MYO18B: variants seen among roughly 807,000 people sequenced by gnomAD.
MYO18B encodes the protein unconventional myosin-XVIIIb.
MYO18B carries 204 observed loss-of-function variants against 273.0 expected under a neutral mutation model. The observed-to-expected ratio is 0.75, with a 90% CI of 0.67 to 0.84. MYO18B has a LOEUF of 0.84. Among genes scored for constraint, MYO18B ranks in the 40% least tolerant of loss-of-function variants. MYO18B has a pLI of 0.00. For synonymous variants in MYO18B, 1,330 were observed against 1,305.7 expected (o/e 1.02, Z -0.40); for missense variants, 3,212 against 3,287.6 (o/e 0.98, Z 0.56).
intron 1 of MYO18B, among the ~76,000 whole-genome samples, chr22:25,758,751 G>T (rs1325982534): frequency 6.6e-6 from 1 of 151,684 alleles, no homozygotes; most frequent in Non-Finnish European, 1.5e-5. Flanking sequence ...TTTTTTGGGG[G>T]TGATGAGAAT....
At chr22:26,026,350 A>G (rs1936238997) in intron 42 of MYO18B, 95 bp from the exon 43 acceptor site, 1 of 1,384,054 alleles carries the variant, frequency 7.2e-7, no homozygotes, top group Admixed American at 2.3e-5. Context: ...AAAGAAAAAT[A>G]ATATTAGTGC....
At chr22:25,793,545 C>T (rs2087770780) in intron 11 of MYO18B, among the ~76,000 whole-genome samples, 1 of 151,892 alleles carries the variant, frequency 6.6e-6, no homozygotes. Context: ...GGCCTTATTT[C>T]TTCTTTGAAG....
At chr22:25,821,025 A>T (rs1003103400) in intron 12 of MYO18B, among the ~76,000 whole-genome samples, 1 of 152,152 alleles carries the variant, frequency 6.6e-6, no homozygotes, top group Non-Finnish European at 1.5e-5. Flanking sequence ...TTTATGTCTG[A>T]ATAGTATTCC....
rs542026841 is a variant in MYO18B at position 25,992,430 on chromosome 22, G to A, written c.6224G>A (p.Arg2075Gln). 6.2e-6 allele frequency: 10 copies of A among 1,613,986 alleles called. No individual in the cohort carries two copies. The highest frequency in any genetic ancestry group is 5.0e-5 in the Admixed American group (3 of 60,022). ...CAGACAGACCTGGAGACATCCATTC[G>A]GCGGATTGCCGACCTGCAGGCTGCC... ...TLQTDLETSI[R>Q]RIADLQAALE... Residue 2075 changes from arginine to glutamine, a missense_variant, in exon 40 of 44, where the codon CGG (arginine) becomes CAG (glutamine). Transcript: ENST00000335473.
At chr22:25,997,712 T>C (rs1933442831) in intron 40 of MYO18B, among the ~76,000 whole-genome samples, 1 of 152,190 alleles carries the variant, frequency 6.6e-6, no homozygotes, top group Admixed American at 6.5e-5. Context: ...GTATTTGTGT[T>C]GCTAGGCTGT....
intron 25 of MYO18B, among the ~76,000 whole-genome samples, chr22:25,881,689 G>A (rs1243977159): frequency 6.6e-6 from 1 of 152,176 alleles, no homozygotes; most frequent in Non-Finnish European, 1.5e-5. Flanking sequence ...AGAAGGAAGG[G>A]TGGGGGCTCA....
At chr22:25,785,641 T>C (rs1321718615) in intron 11 of MYO18B, 150 bp downstream of exon 11, 2 of 746,580 alleles carry the variant, frequency 2.7e-6, no homozygotes, top group Non-Finnish European at 4.6e-6. Context: ...ACTGCCTTTG[T>C]AGGGTCTCGG....
At chr22:26,008,370 A>G (rs1025710625) in intron 42 of MYO18B, among the ~76,000 whole-genome samples, 46 of 152,364 alleles carry the variant, frequency 3.0e-4, no homozygotes, top group African/African-American at 1.1e-3. Flanking sequence ...AGTAGAGAAC[A>G]GGACTCCTAT....
At chr22:25,745,847 T>C (rs1332387213) in intron 1 of MYO18B, among the ~76,000 whole-genome samples, 1 of 152,164 alleles carries the variant, frequency 6.6e-6, no homozygotes, top group Non-Finnish European at 1.5e-5. Flanking sequence ...TGAGTTTCAA[T>C]TTCATGGAGG....
At chr22:25,794,160 C>A (rs1035290056) in intron 11 of MYO18B, among the ~76,000 whole-genome samples, 9 of 151,946 alleles carry the variant, frequency 5.9e-5, no homozygotes, top group Non-Finnish European at 1.3e-4. Context: ...TCTCGATCTC[C>A]TGACCTCGTG....
intron 20 of MYO18B, among the ~76,000 whole-genome samples, chr22:25,849,954 G>A (rs1038682792): frequency 6.6e-6 from 1 of 152,164 alleles, no homozygotes; most frequent in Non-Finnish European, 1.5e-5. Flanking sequence ...TGAAGAAATT[G>A]AATCTCAGAA....
At position 26,030,803 on chromosome 22, in the gene MYO18B, TC is replaced by T. The variant is rs1936632850; in HGVS notation, c.*375del. On this transcript the variant is annotated 3_prime_UTR_variant, in exon 44 of 44. Transcript: ENST00000335473. The stretch of plus-strand genomic sequence containing the variant: ...ACATGTCTACATGCCATGACCTTCC[TC>T]CTCCTCTTCACTTGGCCAGTTTCAG... 1 of 396,852 alleles carries T rather than the reference TC, an allele frequency of 2.5e-6. No individual in the cohort carries two copies. Among genetic ancestry groups the T allele is most frequent in the Non-Finnish European group, 4.4e-6 (1 of 225,398 alleles). 24.6% of individuals were successfully genotyped at this position (396,852 alleles called of 1,614,324 possible).
At chr22:25,798,157 A>G in intron 12 of MYO18B, 60 bp downstream of exon 12, 2 of 1,521,566 alleles carry the variant, frequency 1.3e-6, no homozygotes, top group East Asian at 2.3e-5. Context: ...CAGGTGCCTG[A>G]CAAGGCCCTT....
chr22:25,890,417 T>C (rs1021251750), intron 25 of MYO18B, among the ~76,000 whole-genome samples: 1 of 152,238 alleles, frequency 6.6e-6, no homozygotes, highest in African/African-American at 2.4e-5. Flanking sequence ...TTTTTAAAAC[T>C]GAGCACTTAC....
At chr22:25,936,440 A>T (rs1247114654) in intron 34 of MYO18B, among the ~76,000 whole-genome samples, 1 of 152,152 alleles carries the variant, frequency 6.6e-6, no homozygotes, top group Admixed American at 6.5e-5. Flanking sequence ...ATTCCACAGG[A>T]CTTACAGGAA....
chr22:25,980,357 C>T (rs1051663259), intron 39 of MYO18B, among the ~76,000 whole-genome samples: 1 of 152,140 alleles, frequency 6.6e-6, no homozygotes, highest in African/African-American at 2.4e-5. Flanking sequence ...TTAAAACCAT[C>T]AGGTTGAAAA....
rs148976303 is a variant in MYO18B at position 26,011,126 on chromosome 22, G to A, written c.6470+6271G>A. ...TCCAGGAATTCAAAAATGATCATGG[G>A]GATTTGGTTCCCCACCAACCTCTCT... On this transcript the variant is annotated intron_variant, in intron 42 of 43. Coordinates refer to ENST00000335473, the MANE Select transcript of MYO18B (RefSeq NM_032608.7). 4.8e-3 allele frequency among the ~76,000 whole-genome samples: 728 copies of A among 150,464 alleles called. 3 individuals carry two copies. Among genetic ancestry groups the A allele is most frequent in the Non-Finnish European group, 8.0e-3 (545 of 67,718 alleles).
the MYO18B span, among the ~76,000 whole-genome samples, chr22:26,046,214 A>AG: frequency 6.6e-6 from 1 of 152,192 alleles, no homozygotes; most frequent in Admixed American, 6.5e-5. Context: ...TGTCAAAAAA[A>AG]CCTTAGGATA....
At chr22:25,962,703 G>A (rs951920029) in intron 39 of MYO18B, among the ~76,000 whole-genome samples, 1 of 152,196 alleles carries the variant, frequency 6.6e-6, no homozygotes, top group African/African-American at 2.4e-5. Flanking sequence ...ACACAAACAG[G>A]AGCCCTAGGG....
Sources: allele counts gnomAD v4.1 joint callset (sites outside exome capture counted in the v4.1 genomes callset), GRCh38; gene constraint gnomAD v4.1.1; transcripts MANE v1.5; gene names NCBI Gene and HGNC (gene_info 2026-07-23, HGNC 2026-07-21).